XKR4: variants seen among roughly 807,000 people sequenced by gnomAD.
XKR4 encodes the protein XK-related protein 4.
In XKR4, 12 loss-of-function variants were observed where a neutral mutation model predicts 53.9. The observed-to-expected ratio is 0.22, with a 90% CI of 0.14 to 0.36. The LOEUF is 0.36. XKR4 is among the 10% of genes least tolerant of loss of function. The probability of loss-of-function intolerance (pLI) is 1.00; values close to 1 mark genes in which losing one functional copy is unlikely to be tolerated. For synonymous variants in XKR4, 354 were observed against 362.4 expected, an observed-to-expected ratio of 0.98 and a Z score of 0.26; for missense variants, 799 against 859.5, an observed-to-expected ratio of 0.93 and a Z score of 0.88.
chr8:55,467,316 A>T (rs1365088651), intron 2 of XKR4, among the ~76,000 whole-genome samples: 1 of 152,156 alleles, frequency 6.6e-6, no homozygotes, highest in Non-Finnish European at 1.5e-5. Context: ...CCCACTGAGG[A>T]TAATCTTCCT....
chr8:55,237,242 C>A (rs1818139393), intron 1 of XKR4, among the ~76,000 whole-genome samples: 2 of 152,208 alleles, frequency 1.3e-5, no homozygotes, highest in Non-Finnish European at 1.5e-5. Flanking sequence ...GGGTTAGGGG[C>A]ATCAACCCCC....
chr8:55,285,834 C>G (rs1818900778), intron 1 of XKR4, among the ~76,000 whole-genome samples: 1 of 152,206 alleles, frequency 6.6e-6, no homozygotes, highest in African/African-American at 2.4e-5. Flanking sequence ...TTATCAACCC[C>G]TATACCCCTC....
chr8:55,424,247 C>T (rs1804978109), intron 2 of XKR4, among the ~76,000 whole-genome samples: 1 of 152,228 alleles, frequency 6.6e-6, no homozygotes, highest in Non-Finnish European at 1.5e-5. Flanking sequence ...GTCATATTTA[C>T]ATCCTCTATG....
chr8:55,512,237 C>T (rs1178097151), intron 2 of XKR4, among the ~76,000 whole-genome samples: 2 of 152,080 alleles, frequency 1.3e-5, no homozygotes, highest in Admixed American at 1.3e-4. Context: ...TCTGGAGGGT[C>T]CCCTTCCCTC....
At chr8:55,139,752 G>A (rs1265205975) in intron 1 of XKR4, among the ~76,000 whole-genome samples, 1 of 151,916 alleles carries the variant, frequency 6.6e-6, no homozygotes, top group Non-Finnish European at 1.5e-5. Flanking sequence ...TTGCAAAATG[G>A]GAGTAATGAT....
intron 1 of XKR4, among the ~76,000 whole-genome samples, chr8:55,127,256 A>AT (rs1816481071): frequency 1.8e-4 from 18 of 101,602 alleles, no homozygotes; most frequent in Admixed American, 5.9e-4. Context: ...TTTTTTTTTC[A>AT]TTTTTTTTAA....
chr8:55,255,078 T>C (rs1251365445), intron 1 of XKR4, among the ~76,000 whole-genome samples: 1 of 152,184 alleles, frequency 6.6e-6, no homozygotes, highest in African/African-American at 2.4e-5. Context: ...CACAACTTCC[T>C]TGAGTATCAG....
At chr8:55,498,323 G>A (rs1161724727) in intron 2 of XKR4, among the ~76,000 whole-genome samples, 1 of 152,178 alleles carries the variant, frequency 6.6e-6, no homozygotes, top group East Asian at 1.9e-4. Flanking sequence ...CCTGGACAGG[G>A]CATGCAGGGG....
intron 1 of XKR4, among the ~76,000 whole-genome samples, chr8:55,338,412 A>G (rs968429720): frequency 6.6e-6 from 1 of 152,188 alleles, no homozygotes; most frequent in African/African-American, 2.4e-5. Context: ...GAAAGCGGCA[A>G]TGGCTAGCCC....
chr8:55,181,946 G>A (rs1377622598), intron 1 of XKR4, among the ~76,000 whole-genome samples: 2 of 152,052 alleles, frequency 1.3e-5, no homozygotes, highest in South Asian at 2.1e-4. Flanking sequence ...ATTTGTTTTT[G>A]TTGATTTTCA....
intron 1 of XKR4, among the ~76,000 whole-genome samples, chr8:55,313,721 G>T (rs772610876): frequency 6.6e-6 from 1 of 152,156 alleles, no homozygotes; most frequent in South Asian, 2.1e-4. Context: ...AAGCAACTTC[G>T]AGTCACCTGC....
intron 1 of XKR4, among the ~76,000 whole-genome samples, chr8:55,188,336 T>A (rs1263978428): frequency 6.6e-6 from 1 of 152,192 alleles, no homozygotes; most frequent in Non-Finnish European, 1.5e-5. Flanking sequence ...ATGGTGGGAA[T>A]TGAATTTACC....
intron 1 of XKR4, among the ~76,000 whole-genome samples, chr8:55,335,933 C>T (rs1649431684): frequency 6.7e-6 from 1 of 148,550 alleles, no homozygotes; most frequent in South Asian, 2.1e-4. Context: ...TGGTTAGAAC[C>T]ATAAATGGGT....
At chr8:55,284,369 G>A (rs186601709) in intron 1 of XKR4, among the ~76,000 whole-genome samples, 82 of 152,172 alleles carry the variant, frequency 5.4e-4, no homozygotes, top group Non-Finnish European at 8.2e-4. Context: ...ACTTAGTTGG[G>A]TGATTCTGGC....
chr8:55,217,633 T>C (rs1259002937), intron 1 of XKR4, among the ~76,000 whole-genome samples: 3 of 152,098 alleles, frequency 2.0e-5, no homozygotes, highest in Non-Finnish European at 2.9e-5. Flanking sequence ...AAAGAAAAAA[T>C]GAGTCATTGA....
chr8:55,182,720 T>C (rs1324990050), intron 1 of XKR4, among the ~76,000 whole-genome samples: 1 of 152,186 alleles, frequency 6.6e-6, no homozygotes, highest in Admixed American at 6.5e-5. Flanking sequence ...GTTATAAAAT[T>C]GTGTAATATG....
At chr8:55,323,598 A>C (rs962787116) in intron 1 of XKR4, among the ~76,000 whole-genome samples, 20 of 152,240 alleles carry the variant, frequency 1.3e-4, no homozygotes, top group Admixed American at 9.2e-4. Flanking sequence ...CACCAGTTAA[A>C]GGACATTTGG....
At chr8:55,523,225 A>AG (rs940206853) in intron 2 of XKR4, 56 bp from the exon 3 acceptor site, 42 of 1,461,108 alleles carry the variant, frequency 2.9e-5, no homozygotes, top group South Asian at 2.6e-4. Flanking sequence ...TGTGACTTCC[A>AG]GGGGGCATTG....
intron 1 of XKR4, among the ~76,000 whole-genome samples, chr8:55,229,055 G>C (rs1247307691): frequency 6.6e-6 from 1 of 152,210 alleles, no homozygotes; most frequent in Non-Finnish European, 1.5e-5. Context: ...CCTTTGCAAA[G>C]GGAGCTGCTG....
Sources: allele counts gnomAD v4.1 joint callset (sites outside exome capture counted in the v4.1 genomes callset), GRCh38; gene constraint gnomAD v4.1.1; transcripts MANE v1.5; gene names NCBI Gene and HGNC (gene_info 2026-07-23, HGNC 2026-07-21).